Variants in HOXB3 observed in about 807,000 individuals in gnomAD.
HOXB3 encodes homeobox B3.
In HOXB3, 17 loss-of-function variants were observed where a neutral mutation model predicts 29.2. That is an observed-to-expected ratio of 0.58 (90% confidence interval 0.40 to 0.87). HOXB3 has a LOEUF of 0.87. Ranked by LOEUF, HOXB3 falls within the 40% of genes least tolerant of loss-of-function variation. HOXB3 has a pLI of 0.00. For synonymous variants in HOXB3, 317 were observed against 285.9 expected (o/e 1.11, Z -1.10); for missense variants, 637 against 616.3 (o/e 1.03, Z -0.35).
intron 2 of HOXB3, among the ~76,000 whole-genome samples, chr17:48,569,071 T>TC (rs1409543179): frequency 2.5e-4 from 38 of 150,446 alleles, no homozygotes; most frequent in African/African-American, 6.8e-4. Context: ...CCCCCCTCTC[T>TC]TTTTTTTTCT....
chr17:48,587,489 G>A (rs1276240053), intron 1 of HOXB3, among the ~76,000 whole-genome samples: 1 of 152,204 alleles, frequency 6.6e-6, no homozygotes, highest in African/African-American at 2.4e-5. Context: ...GCCCTGGGAA[G>A]GGACTGAGTT....
At position 48,552,680 on chromosome 17, in the gene HOXB3, C is replaced by G. The variant is rs1000356113; in HGVS notation, c.-158-48G>C. On this transcript the variant is annotated intron_variant, in intron 3 of 4. Transcript: ENST00000498678. ...CAAGGGGGAGAAGAGGACTGGGGCTCGAATCCATCTTAGGAACTGAAAAGG... is the reference window on the plus strand; with the variant it reads ...CAAGGGGGAGAAGAGGACTGGGGCTGGAATCCATCTTAGGAACTGAAAAGG... The G allele has an allele frequency of 1.4e-5, 7 of 492,420 alleles. No homozygotes were observed. In the East Asian group the frequency reaches 1.9e-4, roughly 13 times the overall value. The allele number at this position is 492,420 out of a possible 1,614,324, so 30.5% of individuals were successfully genotyped here. A position where few individuals can be genotyped will look rare whatever the true frequency, so the allele number is the denominator to read the frequency against.
intron 2 of HOXB3, among the ~76,000 whole-genome samples, chr17:48,556,056 G>A (rs1223910651): frequency 6.6e-6 from 1 of 152,004 alleles, no homozygotes; most frequent in Non-Finnish European, 1.5e-5. Flanking sequence ...GCCTGATAAG[G>A]AGGGAAGGTG....
At chr17:48,577,714 A>G (rs2069811080) in intron 1 of HOXB3, 4 of 688,014 alleles carry the variant, frequency 5.8e-6, no homozygotes, top group Non-Finnish European at 8.2e-6. Context: ...TGGCTCTGAA[A>G]ACAGGCGACC....
At chr17:48,576,670 C>G in intron 1 of HOXB3, 1 of 935,394 alleles carries the variant, frequency 1.1e-6, no homozygotes, top group Non-Finnish European at 1.5e-6. Context: ...CCATCCCCTG[C>G]ACTCACTGCC....
intron 1 of HOXB3, among the ~76,000 whole-genome samples, chr17:48,584,929 CCGCCCCCGCCGCTAGT>C (rs1184726994): frequency 1.3e-5 from 2 of 149,392 alleles, no homozygotes; most frequent in African/African-American, 4.9e-5. Context: ...CCGCCCCACC[CCGCCCCCGCCGCTAGT>C]CGCCTCCGCC....
chr17:48,565,517 G>C (rs535205471), intron 2 of HOXB3, among the ~76,000 whole-genome samples: 3 of 152,168 alleles, frequency 2.0e-5, no homozygotes, highest in Non-Finnish European at 4.4e-5. Flanking sequence ...TGTTGTCTCC[G>C]TTCCTTTCTC....
chr17:48,562,823 T>G (rs1422460252), intron 2 of HOXB3, among the ~76,000 whole-genome samples: 3 of 152,166 alleles, frequency 2.0e-5, no homozygotes, highest in Non-Finnish European at 2.9e-5. Context: ...GCTGGGTGTC[T>G]GGACAGAAAT....
intron 1 of HOXB3, among the ~76,000 whole-genome samples, chr17:48,588,730 C>G (rs2070091790): frequency 6.6e-6 from 1 of 152,216 alleles, no homozygotes; most frequent in African/African-American, 2.4e-5. Flanking sequence ...GATATGTCTT[C>G]AAACCAGGGT....
At chr17:48,588,916 C>G (rs1412292940) in intron 1 of HOXB3, among the ~76,000 whole-genome samples, 1 of 152,166 alleles carries the variant, frequency 6.6e-6, no homozygotes, top group African/African-American at 2.4e-5. Context: ...AGATCAGAAG[C>G]CCCTCGAGGT....
chr17:48,558,912 G>A lies in HOXB3; in HGVS notation c.-246-3294C>T, dbSNP rs117247164. Among the ~76,000 whole-genome samples, 438 of 151,948 alleles carry A rather than the reference G, an allele frequency of 2.9e-3. 1 individual carries two copies. The highest frequency in any genetic ancestry group is 4.6e-3 in the Non-Finnish European group (314 of 67,928). Reference sequence around the variant, plus strand: ...GAAACCTGGAAAACTGTGTGTGTGTGCCCATGTGTGTAGGGTGTGTGTGTG... The same window carrying A: ...GAAACCTGGAAAACTGTGTGTGTGTACCCATGTGTGTAGGGTGTGTGTGTG... On this transcript the variant is annotated intron_variant, in intron 2 of 4. Transcript: ENST00000498678.
In HOXB3 at chr17:48,552,053, T is replaced by C; in HGVS notation, c.422A>G (p.Lys141Arg). Residue 141 changes from lysine to arginine, a missense_variant, in exon 4 of 5, where the codon AAG (lysine) becomes AGG (arginine). Transcript: ENST00000498678. ...PWMKESRQTS[K>R]LKNNSPGTAE... ...TGTGCCGGGGGAGTTGTTTTTCAGC[T>C]TGGACGTTTGCCTCGACTCTTTCAT... 6.3e-7 allele frequency: 1 copy of C among 1,590,004 alleles called. No individual in the cohort carries two copies. Among genetic ancestry groups the C allele is most frequent in the Non-Finnish European group, 8.6e-7 (1 of 1,164,272 alleles).
At chr17:48,568,651 G>GCACACA (rs1491485443) in intron 2 of HOXB3, among the ~76,000 whole-genome samples, 3 of 149,748 alleles carry the variant, frequency 2.0e-5, no homozygotes, top group African/African-American at 7.3e-5. Flanking sequence ...ACACACGCGC[G>GCACACA]GACACACACA....
rs749474752 is a variant in HOXB3, at chr17:48,554,994, TCG to T, written c.-159+535_-159+536del. Among the ~76,000 whole-genome samples, 7 of 151,524 alleles carry T rather than the reference TCG, an allele frequency of 4.6e-5. No homozygotes were observed. The highest frequency in any genetic ancestry group is 7.4e-5 in the Non-Finnish European group (5 of 67,882). On this transcript the variant is annotated intron_variant, in intron 3 of 4. Coordinates refer to ENST00000498678, the MANE Select transcript of HOXB3 (RefSeq NM_001384749.1). This position sits in a 1 kb window ranked among gnomAD's most constrained non-coding sequence, Gnocchi z 4.1. ...AAAAATTCAGGTTCCATATGGCTCC[TCG>T]GGAGGGAGGGAGGGAGACGGTGGCT...
chr17:48,573,385 G>A (rs1020179165), intron 2 of HOXB3, among the ~76,000 whole-genome samples: 8 of 152,142 alleles, frequency 5.3e-5, no homozygotes, highest in Non-Finnish European at 4.4e-5. Context: ...CAGTGACAAC[G>A]TCTCACTGGT....
intron 1 of HOXB3, among the ~76,000 whole-genome samples, chr17:48,584,636 A>G (rs1420437379): frequency 1.3e-5 from 2 of 152,226 alleles, no homozygotes. Context: ...GAAGGTTTTA[A>G]TTAAATTTAA....
At chr17:48,587,506 G>C (rs551383851) in intron 1 of HOXB3, among the ~76,000 whole-genome samples, 1 of 152,198 alleles carries the variant, frequency 6.6e-6, no homozygotes, top group South Asian at 2.1e-4. Flanking sequence ...AGTTTGGGGG[G>C]GTTGTGCTGA....
chr17:48,550,941 C>T lies in HOXB3; in HGVS notation c.689G>A (p.Arg230Gln). The T allele has an allele frequency of 1.2e-6, 2 of 1,613,934 alleles. No individual in the cohort carries two copies. The highest frequency in any genetic ancestry group is 1.7e-6 in the Non-Finnish European group (2 of 1,179,902). The part of the protein sequence containing the change: ...EMANLLNLSE[R>Q]QIKIWFQNRR... ...GTTCTGGAACCAGATCTTGATCTGC[C>T]GCTCGCTGAGGTTCAGCAGGTTGGC... Residue 230 changes from arginine (R) to glutamine (Q), a missense_variant, in exon 5 of 5, where the codon CGG becomes CAG. Coordinates refer to ENST00000498678, the MANE Select transcript of HOXB3 (RefSeq NM_001384749.1).
intron 2 of HOXB3, chr17:48,556,933 G>C (rs2069017341): frequency 6.6e-6 from 1 of 152,186 alleles, no homozygotes. Context: ...TCTCTGCCCT[G>C]CAAGATTTAT....
Sources: allele counts gnomAD v4.1 joint callset (sites outside exome capture counted in the v4.1 genomes callset), GRCh38; gene constraint gnomAD v4.1.1; non-coding constraint Gnocchi (gnomAD v3.1); transcripts MANE v1.5; gene names NCBI Gene and HGNC (gene_info 2026-07-23, HGNC 2026-07-21).